Variants in MAPK4 observed in about 807,000 individuals in gnomAD.
The protein encoded by MAPK4 is Erk3-related.
A neutral mutation model predicts 47.7 loss-of-function variants in MAPK4; 22 were observed. That is an observed-to-expected ratio of 0.46 (90% CI 0.33 to 0.66). MAPK4 has a LOEUF of 0.66. Ranked by LOEUF, MAPK4 falls within the 30% of genes least tolerant of loss-of-function variation. The pLI is 0.02. For synonymous variants in MAPK4, 390 were observed against 365.7 expected, an observed-to-expected ratio of 1.07 and a Z score of -0.76; for missense variants, 736 against 831.7, an observed-to-expected ratio of 0.88 and a Z score of 1.42.
intron 2 of MAPK4, among the ~76,000 whole-genome samples, chr18:50,711,404 AC>A (rs1208743700): frequency 2.0e-5 from 3 of 152,234 alleles, no homozygotes; most frequent in African/African-American, 7.2e-5. Flanking sequence ...GAGGAAATAG[AC>A]GATTAGGAAG....
chr18:50,683,427 A>G (rs948781916), intron 2 of MAPK4, among the ~76,000 whole-genome samples: 1 of 148,296 alleles, frequency 6.7e-6, no homozygotes, highest in Admixed American at 6.7e-5. Flanking sequence ...CTGACCTAAT[A>G]TGTTCATTAT....
chr18:50,708,736 C>G (rs1298008667), intron 2 of MAPK4, among the ~76,000 whole-genome samples: 1 of 152,128 alleles, frequency 6.6e-6, no homozygotes, highest in South Asian at 2.1e-4. Context: ...CTCTTATGTG[C>G]GAGGCAGTGG....
At chr18:50,605,746 C>A (rs1018277519) in intron 1 of MAPK4, among the ~76,000 whole-genome samples, 1 of 152,180 alleles carries the variant, frequency 6.6e-6, no homozygotes, top group African/African-American at 2.4e-5. Context: ...CCGGGGCAGG[C>A]CTTCCCTAGC....
intron 1 of MAPK4, among the ~76,000 whole-genome samples, chr18:50,586,365 T>A (rs1244977877): frequency 6.6e-6 from 1 of 151,538 alleles, no homozygotes; most frequent in Non-Finnish European, 1.5e-5. Context: ...TATAAGGGGG[T>A]AGGGTCACCA....
intron 1 of MAPK4, among the ~76,000 whole-genome samples, chr18:50,617,759 C>T (rs1315178178): frequency 3.3e-5 from 5 of 152,230 alleles, no homozygotes; most frequent in Non-Finnish European, 7.3e-5. Context: ...ATTCCTGTTA[C>T]AGCTTTACTA....
chr18:50,686,676 G>A (rs145381932), intron 2 of MAPK4, among the ~76,000 whole-genome samples: 22 of 152,312 alleles, frequency 1.4e-4, no homozygotes, highest in African/African-American at 4.1e-4. Flanking sequence ...CAGTGGACAC[G>A]TCTGCTATGT....
intron 1 of MAPK4, among the ~76,000 whole-genome samples, chr18:50,573,376 A>G (rs2042266523): frequency 6.6e-6 from 1 of 152,190 alleles, no homozygotes; most frequent in Non-Finnish European, 1.5e-5. Context: ...CTCTATTTAC[A>G]GCCGCTCCCC....
In MAPK4 at chr18:50,664,885, A is replaced by G. The variant is rs1907510521; in HGVS notation, c.546+381A>G. 6.6e-6 allele frequency among the ~76,000 whole-genome samples: 1 copy of G among 152,082 alleles called. No homozygotes were observed. The highest frequency in any genetic ancestry group is 2.4e-5 in the African/African-American group (1 of 41,396). On this transcript the variant is annotated intron_variant, in intron 2 of 5. Transcript: ENST00000400384. The surrounding 1 kb of genome is among the most constrained non-coding windows in gnomAD (Gnocchi z 6.0). The stretch of plus-strand genomic sequence containing the variant: ...CCCATGTCCTTCCTGTGTGCTCAGG[A>G]CACACCCTGAGGCTTCCCACCCTGT...
Position 50,709,588 on chromosome 18 carries a change from G to C in MAPK4, c.547-5491G>C, listed in dbSNP as rs1403374374. Among the ~76,000 whole-genome samples the C allele has an allele frequency of 2.0e-5, 3 of 152,178 alleles. No individual in the cohort carries two copies. In the East Asian group the frequency reaches 5.8e-4, roughly 29 times the overall value. On this transcript the variant is annotated intron_variant, in intron 2 of 5. Coordinates refer to ENST00000400384, the MANE Select transcript of MAPK4 (RefSeq NM_002747.4). ...AGCTCATTCAAGATGGAGATTGGAG[G>C]ACTCCAAGTCGGCAGCTCTGAGTGG... is the stretch of plus-strand genomic sequence containing the variant.
intron 2 of MAPK4, among the ~76,000 whole-genome samples, chr18:50,694,377 TC>T (rs920339222): frequency 3.9e-5 from 6 of 152,080 alleles, no homozygotes; most frequent in African/African-American, 1.4e-4. Flanking sequence ...ACCTCAGAAG[TC>T]CCCTGGCTGG....
intron 1 of MAPK4, among the ~76,000 whole-genome samples, chr18:50,579,200 C>T (rs1343142750): frequency 6.6e-6 from 1 of 152,120 alleles, no homozygotes; most frequent in African/African-American, 2.4e-5. Context: ...AGAGAACATG[C>T]ACGTGCAGGA....
chr18:50,730,116 A>T lies in MAPK4; in HGVS notation c.*262A>T, dbSNP rs1012205837. 29 of 360,012 alleles carry T rather than the reference A, an allele frequency of 8.1e-5. No homozygotes were observed. The highest frequency in any genetic ancestry group is 1.3e-4 in the Non-Finnish European group (27 of 200,052). The allele number at this position is 360,012 out of a possible 1,614,324, so 22.3% of individuals were successfully genotyped here. A position where few individuals can be genotyped will look rare whatever the true frequency, so the allele number is the denominator to read the frequency against. On this transcript the variant is annotated 3_prime_UTR_variant, in exon 6 of 6. Coordinates refer to ENST00000400384, the MANE Select transcript of MAPK4 (RefSeq NM_002747.4). ...AAAGGGGAGACCACATGTGGTGCAC[A>T]GGGAAGAAACGGCTTTAGACAGCAG...
intron 1 of MAPK4, among the ~76,000 whole-genome samples, chr18:50,656,599 A>T (rs1011205366): frequency 2.0e-5 from 3 of 152,130 alleles, no homozygotes; most frequent in Admixed American, 6.5e-5. Flanking sequence ...AGGGGAGGGG[A>T]TGACACAAGG....
At chr18:50,580,494 A>G (rs575944181) in intron 1 of MAPK4, among the ~76,000 whole-genome samples, 3 of 152,346 alleles carry the variant, frequency 2.0e-5, no homozygotes, top group South Asian at 4.1e-4. Context: ...TGCTAATGAC[A>G]TGCCCATGCT....
intron 1 of MAPK4, among the ~76,000 whole-genome samples, chr18:50,572,991 T>A (rs960552615): frequency 4.6e-5 from 7 of 152,202 alleles, no homozygotes; most frequent in African/African-American, 1.7e-4. Context: ...TAGCTGTCTA[T>A]ACAGGGGACA....
chr18:50,730,097 G>T lies in MAPK4; in HGVS notation c.*243G>T. The T allele has an allele frequency of 2.5e-6, 1 of 403,016 alleles. No individual in the cohort carries two copies. The highest frequency in any genetic ancestry group is 4.4e-6 in the Non-Finnish European group (1 of 225,914). 25.0% of individuals were successfully genotyped at this position (403,016 alleles called of 1,614,324 possible). A position where few individuals can be genotyped will look rare whatever the true frequency, so the allele number is the denominator to read the frequency against. ...GGTTGATCACTTTCCTAGCAAAGGG[G>T]AGACCACATGTGGTGCACAGGGAAG... On this transcript the variant is annotated 3_prime_UTR_variant, in exon 6 of 6. Transcript: ENST00000400384.
At chr18:50,632,987 T>C (rs6508020) in intron 1 of MAPK4, among the ~76,000 whole-genome samples, 49,732 of 113,760 alleles carry the variant, frequency 0.44, 8,471 homozygotes, top group East Asian at 0.53. Context: ...TATTTTGTTT[T>C]TGTTTTAATT....
At chr18:50,666,869 C>G (rs551089265) in intron 2 of MAPK4, among the ~76,000 whole-genome samples, 3 of 150,890 alleles carry the variant, frequency 2.0e-5, no homozygotes, top group Admixed American at 6.6e-5. Flanking sequence ...ATATTTGGTG[C>G]TTTTATTTAT....
chr18:50,644,187 A>G (rs987755405), intron 1 of MAPK4, among the ~76,000 whole-genome samples: 1 of 152,092 alleles, frequency 6.6e-6, no homozygotes, highest in Non-Finnish European at 1.5e-5. Flanking sequence ...GAAGGGGGGA[A>G]CAACATGATA....
Sources: allele counts gnomAD v4.1 joint callset (sites outside exome capture counted in the v4.1 genomes callset), GRCh38; gene constraint gnomAD v4.1.1; non-coding constraint Gnocchi (gnomAD v3.1); transcripts MANE v1.5; gene names NCBI Gene and HGNC (gene_info 2026-07-23, HGNC 2026-07-21).